Variants in FYN observed in about 807,000 individuals in gnomAD.
FYN encodes the protein tyrosine-protein kinase Fyn.
FYN carries 10 observed loss-of-function variants against 70.2 expected under a neutral mutation model. The observed-to-expected ratio is 0.14, with a 90% CI of 0.09 to 0.24. The LOEUF (loss-of-function observed/expected upper bound fraction) is 0.24, where lower values mean the gene tolerates loss of function less well. Ranked by LOEUF, FYN falls within the 10% of genes least tolerant of loss-of-function variation. FYN has a pLI of 1.00. For missense variants in FYN, 319 were observed against 673.1 expected (o/e 0.47, Z 5.82); for synonymous variants, 236 against 248.6 (o/e 0.95, Z 0.48).
At chr6:111,681,861 T>C (rs1798795737) in intron 12 of FYN, among the ~76,000 whole-genome samples, 1 of 151,882 alleles carries the variant, frequency 6.6e-6, no homozygotes, top group South Asian at 2.1e-4. Context: ...AGGAAAGCAA[T>C]GTGCCAAACA....
intron 9 of FYN, among the ~76,000 whole-genome samples, chr6:111,698,063 T>G (rs181810272): frequency 6.6e-6 from 1 of 152,240 alleles, no homozygotes; most frequent in Admixed American, 6.5e-5. Context: ...CATACCTACA[T>G]ACATCTTTGT....
intron 3 of FYN, among the ~76,000 whole-genome samples, chr6:111,763,315 T>TGGG (rs1803084652): frequency 6.6e-6 from 1 of 152,216 alleles, no homozygotes; most frequent in Non-Finnish European, 1.5e-5. Context: ...CCTGAAGCTA[T>TGGG]GTCATGGGTC....
intron 13 of FYN, among the ~76,000 whole-genome samples, chr6:111,672,962 C>CTGAGACAAACAAAAAG (rs1479348210): frequency 2.0e-5 from 3 of 152,104 alleles, no homozygotes; most frequent in Non-Finnish European, 4.4e-5. Context: ...TGTGTGAGAC[C>CTGAGACAAACAAAAAG]CTGAGAAACA....
chr6:111,843,132 A>G (rs1025795560), intron 2 of FYN, among the ~76,000 whole-genome samples: 1 of 152,232 alleles, frequency 6.6e-6, no homozygotes. Flanking sequence ...GGTCTCACTG[A>G]AACTGCAGAA....
At chr6:111,845,050 A>G (rs1272429387) in intron 2 of FYN, 1 of 152,386 alleles carries the variant, frequency 6.6e-6, no homozygotes, top group East Asian at 1.9e-4. Context: ...ACACCCCACT[A>G]ACTGAGCCCT....
chr6:111,872,953 C>G lies in FYN; in HGVS notation c.-123+15G>C, dbSNP rs984913452. 1 of 150,216 alleles carries G rather than the reference C, an allele frequency of 6.7e-6. No individual in the cohort carries two copies. The highest frequency in any genetic ancestry group is 2.4e-5 in the African/African-American group (1 of 41,148). The allele number at this position is 150,216 out of a possible 1,614,324, so 9.3% of individuals were successfully genotyped here. On this transcript the variant is annotated intron_variant, in intron 1 of 13. Coordinates refer to ENST00000354650, the MANE Select transcript of FYN (RefSeq NM_002037.5). ...CCCCGAGGCCTCCCGCGACGCATCCCCGCCGCCTGCTTACCTGCGCGGCGC... is the reference window on the plus strand; with the variant it reads ...CCCCGAGGCCTCCCGCGACGCATCCGCGCCGCCTGCTTACCTGCGCGGCGC...
chr6:111,752,177 T>C (rs1479690535), intron 3 of FYN, among the ~76,000 whole-genome samples: 1 of 152,252 alleles, frequency 6.6e-6, no homozygotes, highest in African/African-American at 2.4e-5. Context: ...TTATTAATTC[T>C]ATTAGTCCAA....
chr6:111,729,344 G>A (rs1801339901), intron 3 of FYN, among the ~76,000 whole-genome samples: 1 of 151,910 alleles, frequency 6.6e-6, no homozygotes, highest in Non-Finnish European at 1.5e-5. Context: ...TGTGGTGGCA[G>A]GCACCTGTAA....
intron 12 of FYN, among the ~76,000 whole-genome samples, chr6:111,684,280 A>T (rs1205932235): frequency 6.6e-6 from 1 of 152,172 alleles, no homozygotes; most frequent in African/African-American, 2.4e-5. Flanking sequence ...TTGATTAAGT[A>T]GGCACAGATC....
intron 1 of FYN, among the ~76,000 whole-genome samples, chr6:111,852,911 C>T (rs940999770): frequency 6.6e-6 from 1 of 152,142 alleles, no homozygotes; most frequent in Admixed American, 6.5e-5. Context: ...GAAAGGCATT[C>T]ATGATAAAAT....
chr6:111,866,644 A>G (rs182466037), intron 1 of FYN, among the ~76,000 whole-genome samples: 198 of 152,316 alleles, frequency 1.3e-3, no homozygotes, highest in African/African-American at 4.6e-3. Flanking sequence ...GCCCGGCCCC[A>G]ACCCCATGCT....
chr6:111,808,774 A>C (rs1406558287), intron 2 of FYN, among the ~76,000 whole-genome samples: 1 of 152,094 alleles, frequency 6.6e-6, no homozygotes, highest in Non-Finnish European at 1.5e-5. Context: ...TGCCACACCC[A>C]CTCATGGAAG....
chr6:111,716,783 A>ATT (rs541355121), intron 4 of FYN, among the ~76,000 whole-genome samples: 9 of 141,182 alleles, frequency 6.4e-5, no homozygotes, highest in Non-Finnish European at 9.3e-5. Context: ...AAGAGAGTTA[A>ATT]TTTTTTTTTT....
intron 4 of FYN, among the ~76,000 whole-genome samples, chr6:111,715,947 G>A (rs1800624774): frequency 6.6e-6 from 1 of 152,220 alleles, no homozygotes; most frequent in Middle Eastern, 3.2e-3. Flanking sequence ...CAAGTGTAAA[G>A]AAAACCAGTT....
chr6:111,804,449 A>G (rs1193795221), intron 2 of FYN, among the ~76,000 whole-genome samples: 1 of 152,212 alleles, frequency 6.6e-6, no homozygotes, highest in African/African-American at 2.4e-5. Context: ...CCACACAGGA[A>G]TAGGATGCTA....
chr6:111,748,168 A>G (rs1174915118), intron 3 of FYN, among the ~76,000 whole-genome samples: 1 of 152,236 alleles, frequency 6.6e-6, no homozygotes, highest in East Asian at 1.9e-4. Context: ...TTTAACAATT[A>G]TTTCTTAGAA....
intron 3 of FYN, among the ~76,000 whole-genome samples, chr6:111,777,021 C>T (rs1270000140): frequency 6.6e-6 from 1 of 152,220 alleles, no homozygotes; most frequent in Non-Finnish European, 1.5e-5. Context: ...AAAAGAAAGA[C>T]TAGCCCAGAC....
intron 3 of FYN, among the ~76,000 whole-genome samples, chr6:111,740,191 T>C (rs943169040): frequency 1.3e-5 from 2 of 152,196 alleles, no homozygotes; most frequent in African/African-American, 4.8e-5. Flanking sequence ...AACCAACTAA[T>C]AGACTCGAGA....
chr6:111,846,682 C>A, intron 1 of FYN, 53 bp from the exon 2 acceptor site: 2 of 398,714 alleles, frequency 5.0e-6, no homozygotes, highest in South Asian at 1.3e-4. Flanking sequence ...CAAGTACTCT[C>A]TGCCTACAAA....
Sources: gnomAD v4.1 joint callset for allele counts (sites outside exome capture counted in the v4.1 genomes callset) on GRCh38, gnomAD v4.1.1 for gene constraint, MANE v1.5 for transcripts, NCBI Gene and HGNC (gene_info 2026-07-23, HGNC 2026-07-21) for gene names.